The following GTF2F2 variants were observed in gnomAD, a reference collection of about 807,000 sequenced individuals.
GTF2F2 encodes general transcription factor IIF subunit 2, also known as ATP-dependent helicase GTF2F2.
GTF2F2 carries 23 observed loss-of-function variants against 42.2 expected under a neutral mutation model. The ratio of observed to expected loss-of-function variants is 0.55; its 90% confidence interval spans 0.39 to 0.77. The LOEUF is 0.77. GTF2F2 is among the 30% of genes least tolerant of loss of function. The pLI, the probability that GTF2F2 is intolerant of heterozygous loss-of-function variation, is 0.00. For missense variants in GTF2F2, 261 were observed against 287.2 expected, an observed-to-expected ratio of 0.91 and a Z score of 0.66; for synonymous variants, 105 against 100.8, an observed-to-expected ratio of 1.04 and a Z score of -0.25.
intron 4 of GTF2F2, among the ~76,000 whole-genome samples, chr13:45,196,219 G>A (rs1257549341): frequency 1.3e-5 from 2 of 152,172 alleles, no homozygotes; most frequent in Non-Finnish European, 2.9e-5. Flanking sequence ...TTAGAGCTGT[G>A]TTTTTGCTTA....
intron 4 of GTF2F2, among the ~76,000 whole-genome samples, chr13:45,182,067 T>C (rs531152446): frequency 6.6e-6 from 1 of 152,252 alleles, no homozygotes; most frequent in East Asian, 1.9e-4. Flanking sequence ...TTCTTCTTCA[T>C]ACCCTGCCAT....
chr13:45,184,913 G>A (rs1321185962), intron 4 of GTF2F2, among the ~76,000 whole-genome samples: 3 of 152,160 alleles, frequency 2.0e-5, no homozygotes, highest in Non-Finnish European at 4.4e-5. Flanking sequence ...CTGTGCTCAA[G>A]CGATCTTCCC....
chr13:45,171,806 A>AT (rs1871612825), intron 4 of GTF2F2, among the ~76,000 whole-genome samples: 1 of 151,076 alleles, frequency 6.6e-6, no homozygotes, highest in African/African-American at 2.4e-5. Flanking sequence ...GGTTCTATAG[A>AT]TTTATCCATT....
Position 45,138,536 on chromosome 13 carries a change from A to T in GTF2F2, c.140+1730A>T, listed in dbSNP as rs1443908122. Reference sequence around the variant, plus strand: ...ACGCAGGCTCTGGAATTCTTTACTGATGTGGAGTCAGCCAACTCTAGCTTT... The same window carrying T: ...ACGCAGGCTCTGGAATTCTTTACTGTTGTGGAGTCAGCCAACTCTAGCTTT... On this transcript the variant is annotated intron_variant, in intron 2 of 7. Transcript: ENST00000340473. 5.3e-5 allele frequency among the ~76,000 whole-genome samples: 8 copies of T among 152,308 alleles called. No homozygotes were observed. In the East Asian group the frequency reaches 1.5e-3, roughly 29 times the overall value.
At chr13:45,205,443 G>T (rs1873374643) in intron 4 of GTF2F2, among the ~76,000 whole-genome samples, 1 of 152,246 alleles carries the variant, frequency 6.6e-6, no homozygotes, top group Non-Finnish European at 1.5e-5. Flanking sequence ...GACCATATCA[G>T]TAGCTCTTTT....
intron 6 of GTF2F2, among the ~76,000 whole-genome samples, chr13:45,255,947 T>C (rs1876086500): frequency 6.6e-6 from 1 of 152,142 alleles, no homozygotes; most frequent in Non-Finnish European, 1.5e-5. Flanking sequence ...TCCTTTGACC[T>C]AGCAGTTTTG....
chr13:45,282,180 A>C (rs1453808459), intron 7 of GTF2F2, among the ~76,000 whole-genome samples: 1 of 152,040 alleles, frequency 6.6e-6, no homozygotes, highest in Non-Finnish European at 1.5e-5. Flanking sequence ...CTTGGGCAAC[A>C]AGAGCAAAAC....
intron 4 of GTF2F2, chr13:45,194,121 G>T: frequency 6.2e-7 from 1 of 1,613,906 alleles, no homozygotes; most frequent in Non-Finnish European, 8.5e-7. Context: ...GTGAACGATC[G>T]TGGTTATCTG....
chr13:45,182,919 C>T (rs1248237671), intron 4 of GTF2F2, among the ~76,000 whole-genome samples: 2 of 152,082 alleles, frequency 1.3e-5, no homozygotes, highest in Non-Finnish European at 2.9e-5. Context: ...TCTTGTAGCA[C>T]ACTCGTCAGG....
At chr13:45,278,364 G>T (rs973633187) in intron 7 of GTF2F2, among the ~76,000 whole-genome samples, 1 of 152,158 alleles carries the variant, frequency 6.6e-6, no homozygotes, top group Non-Finnish European at 1.5e-5. Flanking sequence ...CAAGAAAGCT[G>T]TGATGTTCTA....
intron 2 of GTF2F2, among the ~76,000 whole-genome samples, chr13:45,148,639 C>T (rs1870324763): frequency 6.6e-6 from 1 of 152,118 alleles, no homozygotes; most frequent in African/African-American, 2.4e-5. Context: ...CTTAATTGAA[C>T]ATTAAAATTT....
At chr13:45,143,692 G>A (rs1478648464) in intron 2 of GTF2F2, among the ~76,000 whole-genome samples, 2 of 152,090 alleles carry the variant, frequency 1.3e-5, no homozygotes, top group African/African-American at 4.8e-5. Context: ...CAGAAGACAG[G>A]GCTGTGGGTG....
chr13:45,164,460 TAG>T (rs1243656623), intron 4 of GTF2F2, among the ~76,000 whole-genome samples: 1 of 152,156 alleles, frequency 6.6e-6, no homozygotes, highest in East Asian at 1.9e-4. Context: ...AGTGGCCAGG[TAG>T]TGGCTCATGC....
At chr13:45,260,670 T>C (rs944230775) in intron 6 of GTF2F2, among the ~76,000 whole-genome samples, 1 of 152,244 alleles carries the variant, frequency 6.6e-6, no homozygotes, top group Non-Finnish European at 1.5e-5. Flanking sequence ...TCAGTAATGA[T>C]GGTTGAACAT....
At chr13:45,250,051 C>CTTTTT (rs780347641) in intron 5 of GTF2F2, among the ~76,000 whole-genome samples, 17 of 100,864 alleles carry the variant, frequency 1.7e-4, no homozygotes, top group African/African-American at 3.8e-4. Context: ...TGCCTTATCT[C>CTTTTT]TTTTTTTTTT....
intron 4 of GTF2F2, among the ~76,000 whole-genome samples, chr13:45,155,416 C>CTGA (rs1446901811): frequency 1.3e-5 from 2 of 152,108 alleles, no homozygotes; most frequent in Admixed American, 1.3e-4. Context: ...AACTTGAAAC[C>CTGA]ACATTTTAGT....
At chr13:45,250,220 C>G (rs982156734) in intron 5 of GTF2F2, among the ~76,000 whole-genome samples, 3 of 151,760 alleles carry the variant, frequency 2.0e-5, no homozygotes, top group African/African-American at 7.3e-5. Flanking sequence ...ATGCCCAGTT[C>G]ATTTTTGTAT....
intron 4 of GTF2F2, among the ~76,000 whole-genome samples, chr13:45,204,234 A>G (rs1873329406): frequency 6.6e-6 from 1 of 152,188 alleles, no homozygotes; most frequent in Non-Finnish European, 1.5e-5. Flanking sequence ...TGGAATGGCT[A>G]AATCAAGCTA....
intron 4 of GTF2F2, among the ~76,000 whole-genome samples, chr13:45,202,162 G>A (rs891148579): frequency 1.3e-5 from 2 of 151,790 alleles, no homozygotes; most frequent in Non-Finnish European, 1.5e-5. Context: ...TGAGGTGGGC[G>A]GATCACCAGA....
Sources: gnomAD v4.1 joint callset for allele counts (sites outside exome capture counted in the v4.1 genomes callset) on GRCh38, gnomAD v4.1.1 for gene constraint, MANE v1.5 for transcripts, NCBI Gene and HGNC (gene_info 2026-07-23, HGNC 2026-07-21) for gene names.